Variants in PTPRU observed in about 807,000 individuals in gnomAD.
PTPRU encodes the protein protein tyrosine phosphatase receptor type U.
Under a neutral mutation model 166.3 loss-of-function variants are expected in PTPRU, and 69 were observed. The observed-to-expected ratio is 0.41, with a 90% confidence interval of 0.34 to 0.51. The LOEUF is 0.51. Among genes scored for constraint, PTPRU ranks in the 20% least tolerant of loss-of-function variants. The pLI is 0.09. For missense variants in PTPRU, 1,657 were observed against 2,013.7 expected, an observed-to-expected ratio of 0.82 and a Z score of 3.39; for synonymous variants, 793 against 814.0, an observed-to-expected ratio of 0.97 and a Z score of 0.44.
chr1:29,289,982 T>C (rs936895187), intron 14 of PTPRU, among the ~76,000 whole-genome samples: 22 of 152,164 alleles, frequency 1.4e-4, no homozygotes, highest in African/African-American at 4.8e-4. Flanking sequence ...CCCCAGCAAG[T>C]CCCTGAGCCT....
In PTPRU at chr1:29,282,640, G is replaced by A. The variant is rs115021946; in HGVS notation, c.1869-36G>A. On this transcript the variant is annotated intron_variant, in intron 11 of 29. Transcript: ENST00000373779. ...AGCTGGCTCTCCCAGTCCTCTGGCC[G>A]CCTGTGATCCCCTGTACGCTCTCCT... The A allele has an allele frequency of 2.2e-3, 3,418 of 1,586,656 alleles. 36 individuals carry two copies. In the African/African-American group the frequency reaches 0.03, roughly 14 times the overall value.
At chr1:29,267,215 C>T (rs1685342739) in intron 7 of PTPRU, among the ~76,000 whole-genome samples, 1 of 152,144 alleles carries the variant, frequency 6.6e-6, no homozygotes, top group African/African-American at 2.4e-5. Context: ...GATGACAGAT[C>T]AAGATCTTAT....
At chr1:29,310,428 T>C (rs1373190650) in intron 18 of PTPRU, among the ~76,000 whole-genome samples, 1 of 152,112 alleles carries the variant, frequency 6.6e-6, no homozygotes, top group Admixed American at 6.5e-5. Context: ...AACAACAGCC[T>C]GGCTGAAAGC....
Position 29,255,386 on chromosome 1 carries a change from C to T in PTPRU, c.185C>T (p.Ala62Val), listed in dbSNP as rs745439085. ...EQVRIHPGTR[A>V]PADLPHGSYL... is the part of the protein sequence containing the mutation. Reference sequence around the variant, plus strand: ...GTGCGAATCCACCCTGGCACCCGGGCACCTGCGGACCTGCCCCACGGTAAG... The same window carrying T: ...GTGCGAATCCACCCTGGCACCCGGGTACCTGCGGACCTGCCCCACGGTAAG... The change falls in exon 2 of 30, where the codon GCA becomes GTA. Residue 62 changes from alanine (A) to valine (V), a missense_variant. Transcript: ENST00000373779. 1 of 1,614,176 alleles carries T rather than the reference C, an allele frequency of 6.2e-7. No individual in the cohort carries two copies. Among genetic ancestry groups the T allele is most frequent in the Non-Finnish European group, 8.5e-7 (1 of 1,180,020 alleles).
chr1:29,284,829 A>C lies in PTPRU; in HGVS notation c.2278A>C (p.Ile760Leu). 1 of 1,613,390 alleles carries C rather than the reference A, an allele frequency of 6.2e-7. No individual in the cohort carries two copies. Among genetic ancestry groups the C allele is most frequent in the Non-Finnish European group, 8.5e-7 (1 of 1,179,532 alleles). ...CTGTGCAGGGGGGCTTGCTGTCCTC[A>C]TCCTTCTCCTGGGTGCCATCATTGT... is the stretch of plus-strand genomic sequence containing the variant. ...GICAGGLAVLILLLGAIIVII... is the reference protein window; with the variant it reads ...GICAGGLAVLLLLLGAIIVII... Residue 760 changes from isoleucine (I) to leucine (L), a missense_variant, in exon 14 of 30, where the codon ATC (isoleucine) becomes CTC (leucine). Ile to Leu is a conservative substitution (Grantham distance 5). Around this residue, in one of 3 missense-constraint regions of PTPRU, gnomAD observed 1,190 missense variants for 1,477.4 expected, o/e 0.81. Transcript: ENST00000373779.
chr1:29,258,357 C>T, intron 2 of PTPRU, 148 bp from the exon 3 acceptor site: 1 of 824,302 alleles, frequency 1.2e-6, no homozygotes, highest in Non-Finnish European at 1.9e-6. Flanking sequence ...GGGACTCACC[C>T]AGGGAGGTGG....
At chr1:29,248,304 C>G (rs1053937548) in intron 1 of PTPRU, among the ~76,000 whole-genome samples, 1 of 152,022 alleles carries the variant, frequency 6.6e-6, no homozygotes, top group Non-Finnish European at 1.5e-5. Context: ...GGGTGGAGAA[C>G]CCAGGATGGG....
chr1:29,282,040 G>T (rs1029865702), intron 11 of PTPRU, among the ~76,000 whole-genome samples: 6 of 152,194 alleles, frequency 3.9e-5, no homozygotes, highest in Admixed American at 6.5e-5. Flanking sequence ...AAACAGCAGG[G>T]CTCCGATTTG....
At chr1:29,289,379 G>A (rs1236006707) in intron 14 of PTPRU, among the ~76,000 whole-genome samples, 1 of 152,178 alleles carries the variant, frequency 6.6e-6, no homozygotes, top group Non-Finnish European at 1.5e-5. Context: ...CTACATGTGT[G>A]TCTGTGTGAG....
intron 22 of PTPRU, among the ~76,000 whole-genome samples, chr1:29,313,042 G>T (rs771973254): frequency 6.6e-6 from 1 of 152,256 alleles, no homozygotes; most frequent in East Asian, 1.9e-4. Context: ...CACACCTGCC[G>T]CGTGCTAGGC....
intron 7 of PTPRU, among the ~76,000 whole-genome samples, chr1:29,270,024 C>T (rs769907993): frequency 7.9e-5 from 12 of 152,086 alleles, no homozygotes; most frequent in Admixed American, 5.9e-4. Flanking sequence ...AGAAACCTAG[C>T]GCTTGTAGTT....
At position 29,238,505 on chromosome 1, in the gene PTPRU, C is replaced by T. The variant is rs1683891899; in HGVS notation, c.73+1788C>T. 1.3e-5 allele frequency among the ~76,000 whole-genome samples: 2 copies of T among 152,226 alleles called. No individual in the cohort carries two copies. The highest frequency in any genetic ancestry group is 4.1e-4 in the South Asian group (2 of 4,836). ...CGCAGACAACTGACCTCCCCGGCAT[C>T]GCGTTCGCGGCCCTGCTGCTGGCTC... On this transcript the variant is annotated intron_variant, in intron 1 of 29. Coordinates refer to ENST00000373779, the MANE Select transcript of PTPRU (RefSeq NM_133178.4). The surrounding 1 kb of genome is among the most constrained non-coding windows in gnomAD (Gnocchi z 6.1).
intron 2 of PTPRU, 137 bp downstream of exon 2, chr1:29,255,543 C>T (rs1684741943): frequency 7.7e-7 from 1 of 1,301,828 alleles, no homozygotes; most frequent in Non-Finnish European, 1.1e-6. Context: ...ACATACGTGA[C>T]ACTGAATGTG....
intron 1 of PTPRU, among the ~76,000 whole-genome samples, chr1:29,243,908 C>T (rs1684167797): frequency 1.3e-5 from 2 of 151,982 alleles, no homozygotes; most frequent in African/African-American, 4.8e-5. Context: ...GCTGCCATTT[C>T]CTGCAGAATG....
At chr1:29,274,054 G>A (rs1248878630) in intron 7 of PTPRU, among the ~76,000 whole-genome samples, 4 of 151,920 alleles carry the variant, frequency 2.6e-5, no homozygotes, top group South Asian at 2.1e-4. Context: ...TTTTTGGGAC[G>A]GAGTCTCGCT....
chr1:29,320,465 G>A lies in PTPRU; in HGVS notation c.3688-220G>A, dbSNP rs1688102334. 1 of 423,968 alleles carries A rather than the reference G, an allele frequency of 2.4e-6. No individual in the cohort carries two copies. The highest frequency in any genetic ancestry group is 4.1e-6 in the Non-Finnish European group (1 of 245,250). 26.3% of individuals were successfully genotyped at this position (423,968 alleles called of 1,614,324 possible). A position where few individuals can be genotyped will look rare whatever the true frequency, so the allele number is the denominator to read the frequency against. On this transcript the variant is annotated intron_variant, in intron 25 of 29. Coordinates refer to ENST00000373779, the MANE Select transcript of PTPRU (RefSeq NM_133178.4). The surrounding 1 kb of genome is among the most constrained non-coding windows in gnomAD (Gnocchi z 5.2). Reference sequence around the variant, plus strand: ...GGAAACTTTTGCTGTTTAGTTCTGGGGGGTCATGGGCTTGGTCCCCAGAGG... The same window carrying A: ...GGAAACTTTTGCTGTTTAGTTCTGGAGGGTCATGGGCTTGGTCCCCAGAGG...
chr1:29,267,555 A>G (rs1227153553), intron 7 of PTPRU, among the ~76,000 whole-genome samples: 1 of 152,090 alleles, frequency 6.6e-6, no homozygotes, highest in Non-Finnish European at 1.5e-5. Context: ...CACCAGCCCG[A>G]CTGAGCAGCC....
intron 13 of PTPRU, 54 bp downstream of exon 13, chr1:29,284,030 G>A: frequency 6.2e-7 from 1 of 1,604,554 alleles, no homozygotes; most frequent in Non-Finnish European, 8.5e-7. Flanking sequence ...CACCTGCCCA[G>A]CGCTGGGGAG....
intron 1 of PTPRU, among the ~76,000 whole-genome samples, chr1:29,242,981 T>A (rs1246307195): frequency 6.6e-6 from 1 of 151,730 alleles, no homozygotes; most frequent in East Asian, 1.9e-4. Flanking sequence ...CACTGCAACC[T>A]CTGCCTCCTG....
Sources: allele counts gnomAD v4.1 joint callset (sites outside exome capture counted in the v4.1 genomes callset), GRCh38; gene constraint gnomAD v4.1.1; regional missense constraint gnomAD v4.1.1; non-coding constraint Gnocchi (gnomAD v3.1); transcripts MANE v1.5; gene names NCBI Gene and HGNC (gene_info 2026-07-23, HGNC 2026-07-21).